AMH: variants seen among roughly 807,000 people sequenced by gnomAD.
The protein encoded by AMH is anti-Mullerian hormone.
A neutral mutation model predicts 33.3 loss-of-function variants in AMH; 39 were observed. The observed-to-expected ratio is 1.17, with a 90% confidence interval of 0.91 to 1.53. The LOEUF is 1.53. Among genes scored for constraint, AMH ranks in the 40% most tolerant of loss-of-function variants. AMH has a pLI of 0.00. For missense variants in AMH, 1,019 were observed against 799.8 expected (o/e 1.27, Z -3.30); for synonymous variants, 536 against 403.0 (o/e 1.33, Z -3.95).
rs1454779717 is a variant in AMH at position 2,251,649 on chromosome 19, G to C, written c.1375G>C (p.Asp459His). The C allele has an allele frequency of 1.3e-5, 21 of 1,598,096 alleles. No homozygotes were observed. The Admixed American group carries it at 1.9e-4, about 14-fold the overall frequency. Residue 459 changes from aspartate to histidine, a missense_variant, in exon 5 of 5, where the codon GAC (aspartate) becomes CAC (histidine). By Grantham distance (81) the Asp-to-His change is moderately conservative. Coordinates refer to ENST00000221496, the MANE Select transcript of AMH (RefSeq NM_000479.5). ...GCGCAGCGCGGGGGCCACCGCCGCC[G>C]ACGGGCCGTGCGCGCTGCGCGAGCT... Reference protein sequence around the residue: ...AQRSAGATAADGPCALRELSV... With the variant: ...AQRSAGATAAHGPCALRELSV...
rs544115395 is a variant in AMH at position 2,250,798 on chromosome 19, C to G, written c.664+38C>G. ...GGAGAGGGACGGGGAGCCGGGTCGACTGCCCCCGGGCCCCCAGCCCCTGAG... is the reference window on the plus strand; with the variant it reads ...GGAGAGGGACGGGGAGCCGGGTCGAGTGCCCCCGGGCCCCCAGCCCCTGAG... On this transcript the variant is annotated intron_variant, in intron 3 of 4. Coordinates refer to ENST00000221496, the MANE Select transcript of AMH (RefSeq NM_000479.5). The G allele has an allele frequency of 2.1e-4, 317 of 1,536,660 alleles. No homozygotes were observed. The East Asian group carries it at 7.4e-3, about 36-fold the overall frequency.
Position 2,251,312 on chromosome 19 carries a change from G to A in AMH, c.1038G>A (p.Leu346=). 6.7e-7 allele frequency: 1 copy of A among 1,502,506 alleles called. No homozygotes were observed. Among genetic ancestry groups the A allele is most frequent in the Non-Finnish European group, 8.8e-7 (1 of 1,133,532 alleles). 93.1% of individuals were successfully genotyped at this position (1,502,506 alleles called of 1,614,324 possible). ...LERLLDGEEP[L]LLLLRPTAAT... ...GCCTACTCGACGGCGAGGAGCCGCT[G>A]CTGCTGCTGCTGAGGCCCACTGCGG... The change falls in exon 5 of 5, where the codon CTG becomes CTA. Residue 346 remains leucine, a synonymous_variant. Transcript: ENST00000221496.
chr19:2,250,766 T>C lies in AMH; in HGVS notation c.664+6T>C. 1 of 1,534,874 alleles carries C rather than the reference T, an allele frequency of 6.5e-7. No individual in the cohort carries two copies. The highest frequency in any genetic ancestry group is 2.4e-5 in the East Asian group (1 of 41,046). On this transcript the variant is annotated splice_donor_region_variant and intron_variant, in intron 3 of 4. Coordinates refer to ENST00000221496, the MANE Select transcript of AMH (RefSeq NM_000479.5). Reference sequence around the variant, plus strand: ...CCTGCAGCCCCGCGGAGAGGGTAGGTCCGCGTGGAGAGGGACGGGGAGCCG... The same window carrying C: ...CCTGCAGCCCCGCGGAGAGGGTAGGCCCGCGTGGAGAGGGACGGGGAGCCG...
intron 1 of AMH, 156 bp downstream of exon 1, chr19:2,249,900 G>T: frequency 1.2e-6 from 1 of 869,046 alleles, no homozygotes; most frequent in Non-Finnish European, 1.7e-6. Context: ...GGCCTGGAAG[G>T]TGGGCACCAC....
chr19:2,250,801 C>T (rs773388270), intron 3 of AMH, 41 bp downstream of exon 3: 23 of 1,537,088 alleles, frequency 1.5e-5, no homozygotes, highest in African/African-American at 5.5e-5. Context: ...GGGTCGACTG[C>T]CCCCGGGCCC....
In AMH at chr19:2,251,836, C is replaced by A. The variant is rs368432946; in HGVS notation, c.1562C>A (p.Ala521Glu). The A allele has an allele frequency of 6.3e-7, 1 of 1,599,626 alleles. No homozygotes were observed. The highest frequency in any genetic ancestry group is 8.5e-7 in the Non-Finnish European group (1 of 1,177,502). Residue 521 changes from alanine to glutamate, a missense_variant, in exon 5 of 5, where the codon GCG becomes GAG. By Grantham distance (107) the Ala-to-Glu change is moderately radical (BLOSUM62 -1). Transcript: ENST00000221496. ...ATGCAGGTCCGTGGGGCCGCCCTGG[C>A]GCGCCCACCCTGCTGCGTGCCCACC... is the stretch of plus-strand genomic sequence containing the variant. Reference protein sequence around the residue: ...LKMQVRGAALARPPCCVPTAY... With the variant: ...LKMQVRGAALERPPCCVPTAY...
At position 2,251,740 on chromosome 19, in the gene AMH, A is replaced by G; in HGVS notation, c.1466A>G (p.Gln489Arg). The G allele has an allele frequency of 1.2e-6, 2 of 1,611,694 alleles. No individual in the cohort carries two copies. The highest frequency in any genetic ancestry group is 1.7e-6 in the Non-Finnish European group (2 of 1,179,584). The change falls in exon 5 of 5, where the codon CAG becomes CGG. Residue 489 changes from glutamine to arginine, a missense_variant. By Grantham distance (43) the Gln-to-Arg change is conservative. Transcript: ENST00000221496. ...GAGACCTACCAGGCCAACAATTGCC[A>G]GGGCGTGTGCGGCTGGCCTCAGTCC... ...IPETYQANNC[Q>R]GVCGWPQSDR...
intron 1 of AMH, chr19:2,249,961 G>T (rs1317166602): frequency 1.5e-5 from 10 of 649,176 alleles, no homozygotes; most frequent in Non-Finnish European, 2.3e-5. Context: ...CTGCCTCGGT[G>T]CCAGGGAGAG....
At position 2,251,931 on chromosome 19, in the gene AMH, G is replaced by T. The variant is rs770189890; in HGVS notation, c.1657G>T (p.Val553Leu). The T allele has an allele frequency of 4.9e-4, 759 of 1,553,412 alleles. 1 individual carries two copies. Among genetic ancestry groups the T allele is most frequent in the Middle Eastern group, 1.8e-3 (8 of 4,518 alleles). The change falls in exon 5 of 5, where the codon GTG (valine) becomes TTG (leucine). Residue 553 changes from valine to leucine, a missense_variant. Transcript: ENST00000221496. Reference protein sequence around the residue: ...RISAHHVPNMVATECGCR With the variant: ...RISAHHVPNMLATECGCR ...CAGCGCGCACCACGTGCCCAACATGGTGGCCACCGAGTGTGGCTGCCGGTG... is the reference window on the plus strand; with the variant it reads ...CAGCGCGCACCACGTGCCCAACATGTTGGCCACCGAGTGTGGCTGCCGGTG...
At position 2,251,999 on chromosome 19, in the gene AMH, G is replaced by T. The variant is rs748642352; in HGVS notation, c.*42G>T. On this transcript the variant is annotated 3_prime_UTR_variant, in exon 5 of 5. Coordinates refer to ENST00000221496, the MANE Select transcript of AMH (RefSeq NM_000479.5). ...ACTCCTGCCCCGAGGGTCCGGACGC[G>T]CCCCAGCTCGCGCCCCTTCCCATAT... 6.5e-7 allele frequency: 1 copy of T among 1,528,716 alleles called. No individual in the cohort carries two copies. The allele number at this position is 1,528,716 out of a possible 1,614,324, so 94.7% of individuals were successfully genotyped here.
Position 2,249,743 on chromosome 19 carries a change from A to T in AMH, c.411A>T (p.Glu137Asp). 2 of 1,501,766 alleles carry T rather than the reference A, an allele frequency of 1.3e-6. No individual in the cohort carries two copies. The highest frequency in any genetic ancestry group is 1.8e-6 in the Non-Finnish European group (2 of 1,130,210). 93.0% of individuals were successfully genotyped at this position (1,501,766 alleles called of 1,614,324 possible). A position where few individuals can be genotyped will look rare whatever the true frequency, so the allele number is the denominator to read the frequency against. Residue 137 changes from glutamate (E) to aspartate (D), a missense_variant and splice_region_variant, in exon 1 of 5, where the codon GAA becomes GAT. Physicochemically the swap from Glu to Asp is conservative, Grantham distance 45. Coordinates refer to ENST00000221496, the MANE Select transcript of AMH (RefSeq NM_000479.5). Reference protein sequence around the residue: ...GQRLVVLHLEEVTWEPTPSLR... With the variant: ...GQRLVVLHLEDVTWEPTPSLR... ...GCCTGGTGGTCCTACACCTGGAGGA[A>T]GGTATGTGGGGCCCAGCCCCAAGCT...
Position 2,251,766 on chromosome 19 carries a change from G to C in AMH, c.1492G>C (p.Asp498His), listed in dbSNP as rs2025050851. Reference protein sequence around the residue: ...CQGVCGWPQSDRNPRYGNHVV... With the variant: ...CQGVCGWPQSHRNPRYGNHVV... ...GGGCGTGTGCGGCTGGCCTCAGTCC[G>C]ACCGCAACCCGCGCTACGGCAACCA... is the stretch of plus-strand genomic sequence containing the variant. Residue 498 changes from aspartate to histidine, a missense_variant, in exon 5 of 5, where the codon GAC (aspartate) becomes CAC (histidine). Asp to His is a moderately conservative substitution (Grantham distance 81). Transcript: ENST00000221496. 1.9e-6 allele frequency: 3 copies of C among 1,611,128 alleles called. No homozygotes were observed. The highest frequency in any genetic ancestry group is 1.3e-5 in the African/African-American group (1 of 75,004).
Position 2,251,025 on chromosome 19 carries a change from G to A in AMH, c.824+17G>A. 2 of 1,519,180 alleles carry A rather than the reference G, an allele frequency of 1.3e-6. No homozygotes were observed. Among genetic ancestry groups the A allele is most frequent in the South Asian group, 1.2e-5 (1 of 82,210 alleles). 94.1% of individuals were successfully genotyped at this position (1,519,180 alleles called of 1,614,324 possible). A position where few individuals can be genotyped will look rare whatever the true frequency, so the allele number is the denominator to read the frequency against. On this transcript the variant is annotated intron_variant, in intron 4 of 4. Transcript: ENST00000221496. ...GCCGCCCAGGTGCGCGCAGGCACCG[G>A]GACACGGGGCAGGAGCGGGCGGGGG...
Position 2,251,750 on chromosome 19 carries a change from C to A in AMH, c.1476C>A (p.Cys492Ter), listed in dbSNP as rs1456007975. ...TYQANNCQGV[C>*]GWPQSDRNPR... ...AGGCCAACAATTGCCAGGGCGTGTG[C>A]GGCTGGCCTCAGTCCGACCGCAACC... is the stretch of plus-strand genomic sequence containing the variant. The change falls in exon 5 of 5, where the codon TGC becomes TGA. Residue 492 changes from cysteine (C) to a stop codon, truncating the protein, a stop_gained. Coordinates refer to ENST00000221496, the MANE Select transcript of AMH (RefSeq NM_000479.5). LOFTEE classifies it high-confidence loss of function. 1 of 1,611,586 alleles carries A rather than the reference C, an allele frequency of 6.2e-7. No homozygotes were observed. The highest frequency in any genetic ancestry group is 8.5e-7 in the Non-Finnish European group (1 of 1,179,622).
At chr19:2,249,783 TC>T (rs2024997528) in intron 1 of AMH, 39 bp downstream of exon 1, 4 of 1,467,896 alleles carry the variant, frequency 2.7e-6, no homozygotes, top group Middle Eastern at 1.9e-4. Context: ...ACCGCCGTCT[TC>T]CTTCAGGTGG....
Position 2,251,970 on chromosome 19 carries a change from G to C in AMH, c.*13G>C. On this transcript the variant is annotated 3_prime_UTR_variant, in exon 5 of 5. Transcript: ENST00000221496. ...TGGCTGCCGGTGACCCCTGCGCCGC[G>C]CGGACTCCTGCCCCGAGGGTCCGGA... is the stretch of plus-strand genomic sequence containing the variant. 5 of 1,537,924 alleles carry C rather than the reference G, an allele frequency of 3.3e-6. No individual in the cohort carries two copies. Among genetic ancestry groups the C allele is most frequent in the Non-Finnish European group, 4.4e-6 (5 of 1,149,214 alleles).
intron 1 of AMH, 109 bp downstream of exon 1, chr19:2,249,853 C>T: frequency 7.7e-7 from 1 of 1,293,272 alleles, no homozygotes; most frequent in Non-Finnish European, 1.0e-6. Flanking sequence ...GGCAGGGAGG[C>T]TGTGGTCTTG....
In AMH at chr19:2,250,436, GC is replaced by G; in HGVS notation, c.515del (p.Pro172LeufsTer5). The G allele has an allele frequency of 6.4e-7, 1 of 1,556,824 alleles. No individual in the cohort carries two copies. The highest frequency in any genetic ancestry group is 1.4e-5 in the African/African-American group (1 of 73,734). The stretch of plus-strand genomic sequence containing the variant: ...CTGCTGGTGCTGTACCCTGGGCCTG[GC>G]CCTGAGGTCACTGTGACGAGGGCTG... ...LALLVLYPGP[G>X]PEVTVTRAGL... is the part of the protein sequence containing the mutation. On this transcript the variant is annotated frameshift_variant, in exon 2 of 5. Transcript: ENST00000221496. LOFTEE classifies it high-confidence loss of function.
Position 2,250,949 on chromosome 19 carries a change from C to T in AMH, c.765C>T (p.Ser255=), listed in dbSNP as rs1019871219. The change falls in exon 4 of 5, where the codon TCC becomes TCT. Residue 255 remains serine (S), a synonymous_variant. Coordinates refer to ENST00000221496, the MANE Select transcript of AMH (RefSeq NM_000479.5). ...MTPALLLLPR[S]EPAPLPAHGQ... ...CGGCCCTGCTCCTGCTGCCGCGGTC[C>T]GAGCCCGCGCCGCTGCCTGCGCACG... 4 of 1,531,976 alleles carry T rather than the reference C, an allele frequency of 2.6e-6. No individual in the cohort carries two copies. Among genetic ancestry groups the T allele is most frequent in the East Asian group, 2.5e-5 (1 of 39,994 alleles). The allele number at this position is 1,531,976 out of a possible 1,614,324, so 94.9% of individuals were successfully genotyped here.
Sources: allele counts gnomAD v4.1 joint callset, GRCh38; gene constraint gnomAD v4.1.1; transcripts MANE v1.5; gene names NCBI Gene and HGNC (gene_info 2026-07-23, HGNC 2026-07-21).